The following FAM3C variants were observed in gnomAD, a reference collection of about 807,000 sequenced individuals.
The protein encoded by FAM3C is protein FAM3C.
In FAM3C, 15 loss-of-function variants were observed where a neutral mutation model predicts 32.5. The observed-to-expected ratio is 0.46, with a 90% CI of 0.31 to 0.71. The LOEUF is 0.71. Ranked by LOEUF, FAM3C falls within the 30% of genes least tolerant of loss-of-function variation. FAM3C has a pLI of 0.05. For missense variants in FAM3C, 175 were observed against 274.4 expected, an observed-to-expected ratio of 0.64 and a Z score of 2.56; for synonymous variants, 75 against 86.1, an observed-to-expected ratio of 0.87 and a Z score of 0.72.
chr7:121,384,673 A>G (rs929066643), intron 1 of FAM3C, among the ~76,000 whole-genome samples: 4 of 152,186 alleles, frequency 2.6e-5, no homozygotes, highest in Non-Finnish European at 4.4e-5. Flanking sequence ...CTCATCCCTA[A>G]GACCACAATA....
At chr7:121,362,041 A>G (rs1320914674) in intron 7 of FAM3C, among the ~76,000 whole-genome samples, 4 of 152,198 alleles carry the variant, frequency 2.6e-5, no homozygotes, top group Non-Finnish European at 5.9e-5. Context: ...AACTCTTAAC[A>G]TGAATTTCAG....
intron 5 of FAM3C, among the ~76,000 whole-genome samples, chr7:121,369,853 G>T (rs1179279235): frequency 2.0e-5 from 3 of 152,190 alleles, no homozygotes; most frequent in Non-Finnish European, 2.9e-5. Flanking sequence ...GTGAATAAGG[G>T]TCAGGATGTG....
rs1584703743 is a variant in FAM3C at position 121,379,006 on chromosome 7, T to C, written c.22A>G (p.Lys8Glu). The C allele has an allele frequency of 6.4e-7, 1 of 1,555,312 alleles. No individual in the cohort carries two copies. Among genetic ancestry groups the C allele is most frequent in the East Asian group, 2.3e-5 (1 of 42,598 alleles). Reference sequence around the variant, plus strand: ...AACACTGCCACAGCTACCACCAACTTTGCAGCACCTAAAAGGCAGAAGTAT... The same window carrying C: ...AACACTGCCACAGCTACCACCAACTCTGCAGCACCTAAAAGGCAGAAGTAT... The part of the protein sequence containing the change: MRVAGAA[K>E]LVVAVAVFLL... Residue 8 changes from lysine to glutamate, a missense_variant, in exon 3 of 10, where the codon AAG becomes GAG. Transcript: ENST00000359943.
At chr7:121,357,214 A>AGAC (rs770931469) in intron 8 of FAM3C, among the ~76,000 whole-genome samples, 2 of 152,140 alleles carry the variant, frequency 1.3e-5, no homozygotes, top group Non-Finnish European at 2.9e-5. Context: ...CTAGGATCAG[A>AGAC]GACGACGAGA....
In FAM3C at chr7:121,382,076, T is replaced by C. The variant is rs558854064; in HGVS notation, c.13+881A>G. Among the ~76,000 whole-genome samples the C allele has an allele frequency of 2.1e-4, 32 of 152,258 alleles. No homozygotes were observed. The South Asian group carries it at 6.4e-3, about 31-fold the overall frequency. On this transcript the variant is annotated intron_variant, in intron 2 of 9. Coordinates refer to ENST00000359943, the MANE Select transcript of FAM3C (RefSeq NM_014888.3). Reference sequence around the variant, plus strand: ...TTTGAGAAATTACAAGTTACCTATGTTGGGCACACGCTTAGTAGAAATTTC... The same window carrying C: ...TTTGAGAAATTACAAGTTACCTATGCTGGGCACACGCTTAGTAGAAATTTC...
chr7:121,387,146 G>A (rs979204239), intron 1 of FAM3C, among the ~76,000 whole-genome samples: 3 of 151,988 alleles, frequency 2.0e-5, no homozygotes, highest in African/African-American at 7.2e-5. Context: ...TTTCTTTATA[G>A]ACACTGAAAT....
At chr7:121,376,491 T>G (rs1348210390) in intron 3 of FAM3C, among the ~76,000 whole-genome samples, 1 of 152,164 alleles carries the variant, frequency 6.6e-6, no homozygotes, top group African/African-American at 2.4e-5. Context: ...CCAAAATGCT[T>G]AGGACCAGAA....
rs1793953540 is a variant in FAM3C, at chr7:121,362,886, T to C, written c.382+11A>G. The C allele has an allele frequency of 6.7e-7, 1 of 1,493,196 alleles. No individual in the cohort carries two copies. The highest frequency in any genetic ancestry group is 1.4e-5 in the African/African-American group (1 of 72,268). 92.5% of individuals were successfully genotyped at this position (1,493,196 alleles called of 1,614,324 possible). On this transcript the variant is annotated intron_variant, in intron 7 of 9. Coordinates refer to ENST00000359943, the MANE Select transcript of FAM3C (RefSeq NM_014888.3). ...CCAGCAAAAGAACACAGTCATGTTA[T>C]TTATGCTTACCTCCTCCCCACATGT... is the stretch of plus-strand genomic sequence containing the variant.
In FAM3C at chr7:121,362,586, A is replaced by T. The variant is rs1289409784; in HGVS notation, c.382+311T>A. 2.3e-5 allele frequency: 6 copies of T among 258,072 alleles called. No homozygotes were observed. The East Asian group carries it at 5.1e-4, about 22-fold the overall frequency. The allele number at this position is 258,072 out of a possible 1,614,324, so 16.0% of individuals were successfully genotyped here. A position where few individuals can be genotyped will look rare whatever the true frequency, so the allele number is the denominator to read the frequency against. ...TACTTTTTTTTTTTAAATTTTAGAC[A>T]CACTTAAAGGAGCCCAAAACTTTTG... On this transcript the variant is annotated intron_variant, in intron 7 of 9. Transcript: ENST00000359943.
chr7:121,371,997 G>T, intron 4 of FAM3C, 113 bp downstream of exon 4: 1 of 729,062 alleles, frequency 1.4e-6, no homozygotes, highest in Non-Finnish European at 2.3e-6. Flanking sequence ...ACTTTAAAAA[G>T]CAATTTCTAA....
At chr7:121,392,798 A>T (rs1429246013) in intron 1 of FAM3C, among the ~76,000 whole-genome samples, 1 of 152,192 alleles carries the variant, frequency 6.6e-6, no homozygotes, top group Non-Finnish European at 1.5e-5. Context: ...AAAATGCAGT[A>T]CGTATCAACG....
chr7:121,383,148 A>G, intron 1 of FAM3C, 138 bp from the exon 2 acceptor site: 1 of 534,400 alleles, frequency 1.9e-6, no homozygotes. Context: ...GCATTAAAAA[A>G]AAAAAAAATG....
intron 3 of FAM3C, among the ~76,000 whole-genome samples, chr7:121,376,148 C>G (rs1794234640): frequency 6.6e-6 from 1 of 152,160 alleles, no homozygotes; most frequent in Non-Finnish European, 1.5e-5. Context: ...GTACACAGAC[C>G]AGAACAAGTA....
intron 7 of FAM3C, among the ~76,000 whole-genome samples, chr7:121,362,124 GATCA>G (rs1211099243): frequency 1.3e-5 from 2 of 152,134 alleles, no homozygotes; most frequent in Admixed American, 6.5e-5. Context: ...TCCTCATACT[GATCA>G]ATCTCCCAAA....
intron 1 of FAM3C, among the ~76,000 whole-genome samples, chr7:121,384,621 A>T (rs1048140217): frequency 6.6e-6 from 1 of 152,214 alleles, no homozygotes; most frequent in Admixed American, 6.5e-5. Context: ...TGCTGCATGT[A>T]CCTGCCACCC....
At position 121,349,044 on chromosome 7, in the gene FAM3C, T is replaced by C. The variant is rs1311492258; in HGVS notation, c.*1417A>G. 6.6e-6 allele frequency: 1 copy of C among 152,124 alleles called. No homozygotes were observed. The highest frequency in any genetic ancestry group is 6.6e-5 in the Admixed American group (1 of 15,220). The allele number at this position is 152,124 out of a possible 1,614,324, so 9.4% of individuals were successfully genotyped here. On this transcript the variant is annotated 3_prime_UTR_variant, in exon 10 of 10. Transcript: ENST00000359943. ...CAAAAATCCCAAAAGTATACAAAGA[T>C]TGTTTAAACATATAAGGTGCATTTA...
intron 1 of FAM3C, among the ~76,000 whole-genome samples, chr7:121,384,692 G>C (rs984506775): frequency 2.0e-5 from 3 of 152,142 alleles, no homozygotes; most frequent in Admixed American, 6.5e-5. Context: ...TATAAGCAAT[G>C]ATGATTGTCT....
At chr7:121,361,563 C>A (rs1331287921) in intron 7 of FAM3C, among the ~76,000 whole-genome samples, 1 of 152,194 alleles carries the variant, frequency 6.6e-6, no homozygotes, top group Non-Finnish European at 1.5e-5. Context: ...TAAATTTTGG[C>A]AGGACCAATT....
intron 2 of FAM3C, among the ~76,000 whole-genome samples, chr7:121,381,639 C>T (rs1794358691): frequency 6.8e-6 from 1 of 147,726 alleles, no homozygotes; most frequent in Non-Finnish European, 1.5e-5. Flanking sequence ...GTAAGTCCTG[C>T]TGTACTCAAA....
Sources: gnomAD v4.1 joint callset for allele counts (sites outside exome capture counted in the v4.1 genomes callset) on GRCh38, gnomAD v4.1.1 for gene constraint, MANE v1.5 for transcripts, NCBI Gene and HGNC (gene_info 2026-07-23, HGNC 2026-07-21) for gene names.